The following CSMD3 variants were observed in gnomAD, a reference collection of about 807,000 sequenced individuals.
CSMD3 encodes the protein CUB and sushi domain-containing protein 3.
CSMD3 carries 177 observed loss-of-function variants against 435.2 expected under a neutral mutation model. The ratio of observed to expected loss-of-function variants is 0.41; its 90% CI spans 0.36 to 0.46. CSMD3 has a LOEUF of 0.46. Ranked by LOEUF, CSMD3 falls within the 20% of genes least tolerant of loss-of-function variation. CSMD3 has a pLI of 0.34. For synonymous variants in CSMD3, 1,656 were observed against 1,520.5 expected, an observed-to-expected ratio of 1.09 and a Z score of -2.07; for missense variants, 4,265 against 4,504.6, an observed-to-expected ratio of 0.95 and a Z score of 1.52.
At chr8:113,166,318 A>AAT (rs2131854307) in intron 4 of CSMD3, among the ~76,000 whole-genome samples, 1 of 152,160 alleles carries the variant, frequency 6.6e-6, no homozygotes, top group South Asian at 2.1e-4. Flanking sequence ...CAGGCTGACC[A>AAT]ATATAGTGAA....
At chr8:112,989,831 T>C (rs1283832147) in intron 6 of CSMD3, among the ~76,000 whole-genome samples, 5 of 152,006 alleles carry the variant, frequency 3.3e-5, no homozygotes, top group Non-Finnish European at 5.9e-5. Context: ...GCCACTGATA[T>C]GGTTTCACTG....
intron 32 of CSMD3, among the ~76,000 whole-genome samples, chr8:112,425,333 C>A (rs766124624): frequency 1.4e-4 from 22 of 151,994 alleles, no homozygotes; most frequent in Non-Finnish European, 2.6e-4. Context: ...CAATTTTTTT[C>A]ATGTTAATTT....
chr8:113,404,162 C>T (rs958215899), intron 1 of CSMD3, among the ~76,000 whole-genome samples: 1 of 151,284 alleles, frequency 6.6e-6, no homozygotes, highest in African/African-American at 2.4e-5. Context: ...AAATCCATAG[C>T]TCTATTTGTA....
intron 32 of CSMD3, among the ~76,000 whole-genome samples, chr8:112,433,654 CAA>C (rs35572894): frequency 0.31 from 28,883 of 92,490 alleles, 2,183 homozygotes; most frequent in African/African-American, 0.41. Flanking sequence ...GAGAACCTGT[CAA>C]AAAAAAAAAA....
chr8:112,367,095 A>C (rs1035152587), intron 38 of CSMD3, among the ~76,000 whole-genome samples: 1 of 152,080 alleles, frequency 6.6e-6, no homozygotes, highest in African/African-American at 2.4e-5. Context: ...TATTTGTGGC[A>C]TATCTATAAC....
chr8:112,304,181 A>G (rs1326310635), intron 52 of CSMD3, among the ~76,000 whole-genome samples: 1 of 152,172 alleles, frequency 6.6e-6, no homozygotes, highest in Non-Finnish European at 1.5e-5. Context: ...AAATGTTTGC[A>G]GTAACTCTAC....
At chr8:112,946,404 T>G (rs931207113) in intron 9 of CSMD3, among the ~76,000 whole-genome samples, 14 of 151,804 alleles carry the variant, frequency 9.2e-5, no homozygotes, top group African/African-American at 3.1e-4. Context: ...GACTTTAAAG[T>G]GCAATATATT....
chr8:113,030,432 A>G (rs1377752186), intron 5 of CSMD3, among the ~76,000 whole-genome samples: 1 of 148,534 alleles, frequency 6.7e-6, no homozygotes, highest in Non-Finnish European at 1.5e-5. Flanking sequence ...AAAAAAAAAA[A>G]AAAAAAAAAA....
intron 22 of CSMD3, among the ~76,000 whole-genome samples, chr8:112,609,005 T>C (rs1433050651): frequency 1.3e-5 from 2 of 151,706 alleles, no homozygotes; most frequent in East Asian, 3.9e-4. Context: ...GGAACTACAT[T>C]AAACTGAAAA....
intron 32 of CSMD3, among the ~76,000 whole-genome samples, chr8:112,456,003 A>G (rs1240588059): frequency 6.6e-6 from 1 of 151,904 alleles, no homozygotes; most frequent in African/African-American, 2.4e-5. Flanking sequence ...ATTCATATAA[A>G]CCACACTAGC....
intron 13 of CSMD3, among the ~76,000 whole-genome samples, chr8:112,744,057 T>C (rs774781683): frequency 3.9e-5 from 6 of 152,058 alleles, no homozygotes; most frequent in Admixed American, 6.6e-5. Flanking sequence ...GAAAAGGTTG[T>C]CATATAAAAA....
At chr8:112,422,061 C>A (rs1054986771) in intron 32 of CSMD3, among the ~76,000 whole-genome samples, 1 of 152,020 alleles carries the variant, frequency 6.6e-6, no homozygotes, top group Non-Finnish European at 1.5e-5. Flanking sequence ...GGTCTCTTAG[C>A]CATTATCCTA....
chr8:112,386,818 G>C (rs530069248), intron 36 of CSMD3, among the ~76,000 whole-genome samples: 1 of 152,148 alleles, frequency 6.6e-6, no homozygotes, highest in African/African-American at 2.4e-5. Context: ...TTTAAAAGAG[G>C]TAAATACTGA....
chr8:113,146,179 G>A (rs779153185), intron 4 of CSMD3, among the ~76,000 whole-genome samples: 2 of 151,330 alleles, frequency 1.3e-5, no homozygotes, highest in Non-Finnish European at 3.0e-5. Context: ...AAGCCCAAAA[G>A]CAAAACAGTG....
chr8:113,151,673 T>C (rs1320947692), intron 4 of CSMD3, among the ~76,000 whole-genome samples: 2 of 152,048 alleles, frequency 1.3e-5, no homozygotes, highest in African/African-American at 4.8e-5. Flanking sequence ...CGACATATTT[T>C]GACAGAGTAT....
intron 1 of CSMD3, among the ~76,000 whole-genome samples, chr8:113,375,654 TC>T (rs1290622546): frequency 7.2e-5 from 11 of 152,054 alleles, no homozygotes; most frequent in Non-Finnish European, 1.3e-4. Flanking sequence ...AAATGATTAT[TC>T]CCCAGAACAA....
At chr8:112,541,930 A>C (rs1826701152) in intron 27 of CSMD3, among the ~76,000 whole-genome samples, 1 of 151,984 alleles carries the variant, frequency 6.6e-6, no homozygotes, top group African/African-American at 2.4e-5. Flanking sequence ...AAATGTTAAA[A>C]GGATCACACA....
chr8:112,560,393 G>C, intron 24 of CSMD3, among the ~76,000 whole-genome samples: 1 of 151,466 alleles, frequency 6.6e-6, no homozygotes, highest in Non-Finnish European at 1.5e-5. Context: ...TACCTATCTA[G>C]CACAAATCCT....
intron 22 of CSMD3, among the ~76,000 whole-genome samples, chr8:112,636,148 AT>A (rs972436918): frequency 9.9e-5 from 15 of 151,874 alleles, no homozygotes; most frequent in African/African-American, 2.9e-4. Context: ...TCTACCGAAC[AT>A]TTTTTTCTTT....
Sources: allele counts gnomAD v4.1 joint callset (sites outside exome capture counted in the v4.1 genomes callset), GRCh38; gene constraint gnomAD v4.1.1; transcripts MANE v1.5; gene names NCBI Gene and HGNC (gene_info 2026-07-23, HGNC 2026-07-21).